Variants in FBXL7 observed in about 807,000 individuals in gnomAD.
FBXL7 encodes the protein F-box and leucine rich repeat protein 7.
A neutral mutation model predicts 38.3 loss-of-function variants in FBXL7; 12 were observed. The observed-to-expected ratio is 0.31, with a 90% CI of 0.20 to 0.51. The LOEUF is 0.51. FBXL7 is among the 20% of genes least tolerant of loss of function. The pLI, the probability that FBXL7 is intolerant of heterozygous loss-of-function variation, is 0.98. For missense variants in FBXL7, 567 were observed against 676.4 expected, an observed-to-expected ratio of 0.84 and a Z score of 1.79; for synonymous variants, 297 against 300.9, an observed-to-expected ratio of 0.99 and a Z score of 0.13.
At chr5:15,922,009 C>T (rs1010583273) in intron 2 of FBXL7, among the ~76,000 whole-genome samples, 1 of 152,106 alleles carries the variant, frequency 6.6e-6, no homozygotes, top group East Asian at 1.9e-4. Flanking sequence ...ATCACCAGCT[C>T]GTAAATATAT....
chr5:15,767,456 C>T (rs568914206), intron 2 of FBXL7, among the ~76,000 whole-genome samples: 2 of 152,230 alleles, frequency 1.3e-5, no homozygotes, highest in East Asian at 3.9e-4. Context: ...AAGGCTACAG[C>T]TCGGTGGAAC....
intron 1 of FBXL7, among the ~76,000 whole-genome samples, chr5:15,513,373 G>A (rs1265486105): frequency 6.6e-6 from 1 of 151,942 alleles, no homozygotes; most frequent in Non-Finnish European, 1.5e-5. Flanking sequence ...ATCCATTAGA[G>A]GAACAGCTTC....
chr5:15,723,206 G>A (rs1324948625), intron 2 of FBXL7, among the ~76,000 whole-genome samples: 1 of 152,070 alleles, frequency 6.6e-6, no homozygotes, highest in Admixed American at 6.6e-5. Flanking sequence ...TTTTGTTTAT[G>A]TTAACAATTA....
intron 2 of FBXL7, among the ~76,000 whole-genome samples, chr5:15,862,501 C>G (rs948435563): frequency 2.0e-5 from 3 of 152,148 alleles, no homozygotes; most frequent in Non-Finnish European, 2.9e-5. Context: ...TGTACTGAAT[C>G]CTCACAAGAC....
rs1742181405 is a variant in FBXL7, at chr5:15,936,352, C to A, written c.740-98C>A. Reference sequence around the variant, plus strand: ...GAAAGGGTAACATCAGCCTCGGACCCAGACTTGGGCGAGGGTCAGGAATGC... The same window carrying A: ...GAAAGGGTAACATCAGCCTCGGACCAAGACTTGGGCGAGGGTCAGGAATGC... On this transcript the variant is annotated intron_variant, in intron 3 of 3. Coordinates refer to ENST00000504595, the MANE Select transcript of FBXL7 (RefSeq NM_012304.5). The surrounding 1 kb of genome is among the most constrained non-coding windows in gnomAD (Gnocchi z 6.0). 4 of 1,455,172 alleles carry A rather than the reference C, an allele frequency of 2.7e-6. No individual in the cohort carries two copies. The highest frequency in any genetic ancestry group is 2.4e-5 in the East Asian group (1 of 41,780). The allele number at this position is 1,455,172 out of a possible 1,614,324, so 90.1% of individuals were successfully genotyped here.
chr5:15,789,041 G>A (rs944156951), intron 2 of FBXL7, among the ~76,000 whole-genome samples: 1 of 151,766 alleles, frequency 6.6e-6, no homozygotes, highest in Non-Finnish European at 1.5e-5. Flanking sequence ...TAATAGAGGC[G>A]GGATTTCACG....
intron 1 of FBXL7, among the ~76,000 whole-genome samples, chr5:15,535,429 A>G (rs1737557614): frequency 1.3e-5 from 2 of 152,242 alleles, no homozygotes; most frequent in African/African-American, 4.8e-5. Context: ...TAATAGTGAC[A>G]TAGACAGTGA....
chr5:15,930,508 T>C (rs921439839), intron 3 of FBXL7, among the ~76,000 whole-genome samples: 9 of 152,190 alleles, frequency 5.9e-5, no homozygotes, highest in Non-Finnish European at 1.2e-4. Flanking sequence ...CCTTTTGAAG[T>C]TCAGAAATGC....
chr5:15,817,933 C>T (rs573999206), intron 2 of FBXL7, among the ~76,000 whole-genome samples: 24 of 152,252 alleles, frequency 1.6e-4, no homozygotes, highest in Admixed American at 2.6e-4. Flanking sequence ...TAGAGCAATT[C>T]CATACAAGAT....
intron 2 of FBXL7, among the ~76,000 whole-genome samples, chr5:15,666,185 TTTA>T (rs1160703785): frequency 2.0e-5 from 3 of 152,174 alleles, no homozygotes; most frequent in Admixed American, 6.5e-5. Context: ...TAATCTTGTT[TTTA>T]TTATTATTTT....
chr5:15,704,018 A>G (rs1161623564), intron 2 of FBXL7, among the ~76,000 whole-genome samples: 1 of 152,142 alleles, frequency 6.6e-6, no homozygotes, highest in Non-Finnish European at 1.5e-5. Flanking sequence ...TTGCACAGAG[A>G]CTGACTCTTC....
At chr5:15,529,004 A>G (rs1392131322) in intron 1 of FBXL7, among the ~76,000 whole-genome samples, 3 of 152,208 alleles carry the variant, frequency 2.0e-5, no homozygotes, top group South Asian at 2.1e-4. Flanking sequence ...ACCATGTTGT[A>G]CGCTAGACCT....
intron 1 of FBXL7, among the ~76,000 whole-genome samples, chr5:15,597,348 C>T (rs1289154152): frequency 4.0e-5 from 6 of 151,694 alleles, no homozygotes; most frequent in Non-Finnish European, 8.8e-5. Context: ...AAAATGGGTG[C>T]CAGGGACAGG....
intron 2 of FBXL7, among the ~76,000 whole-genome samples, chr5:15,801,669 GTGTGTGTGTT>G (rs1206631785): frequency 2.6e-5 from 2 of 76,762 alleles, no homozygotes; most frequent in African/African-American, 7.2e-5. Flanking sequence ...GCGCGCGCGT[GTGTGTGTGTT>G]TGTGTGTGTG....
chr5:15,526,765 G>A (rs1737262169), intron 1 of FBXL7, among the ~76,000 whole-genome samples: 1 of 152,170 alleles, frequency 6.6e-6, no homozygotes, highest in Admixed American at 6.5e-5. Context: ...ATTAAACCTG[G>A]ACTGAGAGAA....
intron 1 of FBXL7, among the ~76,000 whole-genome samples, chr5:15,546,365 G>A (rs557661604): frequency 8.0e-4 from 121 of 152,152 alleles, no homozygotes; most frequent in African/African-American, 2.6e-3. Context: ...TCAGGAGTTC[G>A]ACACCAGCCT....
At chr5:15,645,824 T>A (rs1741512250) in intron 2 of FBXL7, among the ~76,000 whole-genome samples, 1 of 152,258 alleles carries the variant, frequency 6.6e-6, no homozygotes, top group Non-Finnish European at 1.5e-5. Context: ...GTTCTGCCAG[T>A]AACAAAATGA....
chr5:15,713,483 CCTTCCAAATCTAA>C (rs1743944228), intron 2 of FBXL7, among the ~76,000 whole-genome samples: 2 of 152,182 alleles, frequency 1.3e-5, no homozygotes, highest in South Asian at 4.1e-4. Flanking sequence ...TTGCTGTCTT[CCTTCCAAATCTAA>C]CTTCCCTATC....
intron 2 of FBXL7, among the ~76,000 whole-genome samples, chr5:15,703,522 A>C (rs781225690): frequency 2.6e-4 from 40 of 152,202 alleles, no homozygotes; most frequent in Non-Finnish European, 5.1e-4. Context: ...TTATTGCTTC[A>C]CTTTTTGTGC....
Sources: allele counts gnomAD v4.1 joint callset (sites outside exome capture counted in the v4.1 genomes callset), GRCh38; gene constraint gnomAD v4.1.1; non-coding constraint Gnocchi (gnomAD v3.1); transcripts MANE v1.5; gene names NCBI Gene and HGNC (gene_info 2026-07-23, HGNC 2026-07-21).